Variants in EFCAB6 observed in about 807,000 individuals in gnomAD.
EFCAB6 encodes EF-hand calcium binding domain 6.
EFCAB6 carries 156 observed loss-of-function variants against 169.8 expected under a neutral mutation model. That is an observed-to-expected ratio of 0.92 (90% CI 0.81 to 1.05). EFCAB6 has a LOEUF of 1.05. EFCAB6 is among the 50% of genes least tolerant of loss of function. The pLI, the probability that EFCAB6 is intolerant of heterozygous loss-of-function variation, is 0.00. For synonymous variants in EFCAB6, 698 were observed against 676.4 expected (o/e 1.03, Z -0.50); for missense variants, 1,800 against 1,829.1 (o/e 0.98, Z 0.29).
chr22:43,804,791 T>G (rs994152930), intron 2 of EFCAB6, among the ~76,000 whole-genome samples: 1 of 142,226 alleles, frequency 7.0e-6, no homozygotes. Context: ...AGAGGATAAA[T>G]AAACACAATT....
intron 10 of EFCAB6, among the ~76,000 whole-genome samples, chr22:43,704,643 G>A (rs946206036): frequency 7.2e-5 from 11 of 152,252 alleles, no homozygotes; most frequent in Admixed American, 3.3e-4. Context: ...GGATAAAAGT[G>A]TAGATGTGCT....
intron 2 of EFCAB6, among the ~76,000 whole-genome samples, chr22:43,800,733 A>T (rs2062679478): frequency 6.6e-6 from 1 of 152,220 alleles, no homozygotes; most frequent in South Asian, 2.1e-4. Flanking sequence ...GATCAAGAAA[A>T]GGAAAGAAGC....
intron 17 of EFCAB6, among the ~76,000 whole-genome samples, chr22:43,636,506 C>G (rs2055406696): frequency 6.6e-6 from 1 of 152,038 alleles, no homozygotes; most frequent in Non-Finnish European, 1.5e-5. Context: ...TCTTTCTAAC[C>G]TCATTTTAAT....
chr22:43,675,458 G>T (rs535980868), intron 13 of EFCAB6, among the ~76,000 whole-genome samples: 18 of 128,392 alleles, frequency 1.4e-4, no homozygotes, highest in Admixed American at 5.2e-4. Context: ...TATAATATAT[G>T]ATATAATATA....
chr22:43,654,430 C>T (rs996674865), intron 17 of EFCAB6, among the ~76,000 whole-genome samples: 5 of 152,258 alleles, frequency 3.3e-5, no homozygotes, highest in Admixed American at 3.3e-4. Context: ...CAGCCAGTGA[C>T]AGGTTCAGCA....
At chr22:43,668,818 T>C in intron 16 of EFCAB6, 54 bp downstream of exon 16, 3 of 1,451,148 alleles carry the variant, frequency 2.1e-6, no homozygotes, top group Non-Finnish European at 1.8e-6. Flanking sequence ...TAAATACCTA[T>C]TCCATGACAG....
intron 24 of EFCAB6, among the ~76,000 whole-genome samples, chr22:43,588,742 A>G (rs2051247312): frequency 6.6e-6 from 1 of 152,180 alleles, no homozygotes; most frequent in African/African-American, 2.4e-5. Flanking sequence ...ACGTGTCTCG[A>G]TGGATTGGAA....
At chr22:43,765,040 T>C (rs2061284287) in intron 5 of EFCAB6, among the ~76,000 whole-genome samples, 1 of 152,232 alleles carries the variant, frequency 6.6e-6, no homozygotes, top group South Asian at 2.1e-4. Context: ...GCATGTAAAC[T>C]ATTTTTGTCT....
At chr22:43,750,258 T>C (rs2060710412) in intron 6 of EFCAB6, among the ~76,000 whole-genome samples, 2 of 152,216 alleles carry the variant, frequency 1.3e-5, no homozygotes, top group South Asian at 4.1e-4. Context: ...GTATTCTCAA[T>C]ATAATTTTTT....
At chr22:43,561,671 G>C (rs550151990) in intron 26 of EFCAB6, among the ~76,000 whole-genome samples, 18 of 152,280 alleles carry the variant, frequency 1.2e-4, no homozygotes, top group South Asian at 6.2e-4. Context: ...CTGCTCAGCC[G>C]CCGCCAGCCT....
intron 23 of EFCAB6, among the ~76,000 whole-genome samples, chr22:43,591,556 C>T (rs922976403): frequency 6.6e-6 from 1 of 151,884 alleles, no homozygotes; most frequent in Admixed American, 6.6e-5. Context: ...CAAGTACACA[C>T]ACTCACATGT....
At chr22:43,599,508 T>A (rs1192305095) in intron 23 of EFCAB6, among the ~76,000 whole-genome samples, 1 of 36,586 alleles carries the variant, frequency 2.7e-5, no homozygotes, top group Non-Finnish European at 4.6e-5. Context: ...AGATTCCATC[T>A]CAAAAAAAAA....
chr22:43,779,538 G>A lies in EFCAB6; in HGVS notation c.139+2642C>T, dbSNP rs577430669. On this transcript the variant is annotated intron_variant, in intron 3 of 31. Transcript: ENST00000262726. ...GGGCGGATCACAAGGTCAAGAGATC[G>A]AGACCATTCTGGCCAACATGGTGAA... Among the ~76,000 whole-genome samples the A allele has an allele frequency of 2.6e-5, 4 of 152,074 alleles. No homozygotes were observed. The South Asian group carries it at 6.2e-4, about 24-fold the overall frequency.
intron 17 of EFCAB6, among the ~76,000 whole-genome samples, chr22:43,661,815 A>T (rs910598077): frequency 2.0e-5 from 3 of 152,132 alleles, no homozygotes; most frequent in African/African-American, 7.2e-5. Flanking sequence ...ATTGATAGTT[A>T]ATAAATATAG....
chr22:43,683,194 A>C (rs139481206), intron 12 of EFCAB6, among the ~76,000 whole-genome samples: 1 of 152,228 alleles, frequency 6.6e-6, no homozygotes, highest in African/African-American at 2.4e-5. Context: ...GCTGCGTATC[A>C]AAAGGATCCA....
At chr22:43,787,292 CATT>C (rs1326211413) in intron 2 of EFCAB6, among the ~76,000 whole-genome samples, 5 of 151,596 alleles carry the variant, frequency 3.3e-5, no homozygotes, top group Non-Finnish European at 7.4e-5. Flanking sequence ...TTGCAAATGA[CATT>C]GTTGTATATA....
chr22:43,626,357 T>A, intron 20 of EFCAB6, 90 bp downstream of exon 20: 1 of 1,241,980 alleles, frequency 8.1e-7, no homozygotes, highest in Non-Finnish European at 1.1e-6. Flanking sequence ...CCATTCTTTG[T>A]ATCCCTTTGC....
chr22:43,574,703 A>G (rs1350512544), intron 26 of EFCAB6, among the ~76,000 whole-genome samples: 2 of 152,182 alleles, frequency 1.3e-5, no homozygotes, highest in Non-Finnish European at 2.9e-5. Flanking sequence ...ACAAGAGCAA[A>G]GACAAGCCAT....
At chr22:43,622,095 T>C (rs1435595791) in intron 20 of EFCAB6, among the ~76,000 whole-genome samples, 1 of 152,200 alleles carries the variant, frequency 6.6e-6, no homozygotes, top group Non-Finnish European at 1.5e-5. Flanking sequence ...GTTAATTTAA[T>C]GAAATATCTA....
Sources: gnomAD v4.1 joint callset for allele counts (sites outside exome capture counted in the v4.1 genomes callset) on GRCh38, gnomAD v4.1.1 for gene constraint, MANE v1.5 for transcripts, NCBI Gene and HGNC (gene_info 2026-07-23, HGNC 2026-07-21) for gene names.